CHL1: variants seen among roughly 807,000 people sequenced by gnomAD.
CHL1 encodes cell adhesion molecule L1 like.
Under a neutral mutation model 141.9 loss-of-function variants are expected in CHL1, and 96 were observed. The ratio of observed to expected loss-of-function variants is 0.68; its 90% CI spans 0.57 to 0.80. The LOEUF (loss-of-function observed/expected upper bound fraction) is 0.80, where lower values mean the gene tolerates loss of function less well. Ranked by LOEUF, CHL1 falls within the 30% of genes least tolerant of loss-of-function variation. CHL1 has a pLI of 0.00. For missense variants in CHL1, 1,820 were observed against 1,457.2 expected, an observed-to-expected ratio of 1.25 and a Z score of -4.05; for synonymous variants, 613 against 502.2, an observed-to-expected ratio of 1.22 and a Z score of -2.95.
At position 325,905 on chromosome 3, in the gene CHL1, A is replaced by C. The variant is rs572280403; in HGVS notation, c.92-54A>C. The stretch of plus-strand genomic sequence containing the variant: ...GTTTAAAGTGTTTTCGCTATAGATT[A>C]ACCTTGCCTGCTGTTTGAATAGTGT... On this transcript the variant is annotated intron_variant, in intron 3 of 27. Coordinates refer to ENST00000256509, the MANE Select transcript of CHL1 (RefSeq NM_006614.4). 5.4e-5 allele frequency: 66 copies of C among 1,225,014 alleles called. 1 individual carries two copies. The South Asian group carries it at 7.7e-4, about 14-fold the overall frequency. 75.9% of individuals were successfully genotyped at this position (1,225,014 alleles called of 1,614,324 possible).
intron 1 of CHL1, among the ~76,000 whole-genome samples, chr3:202,664 T>C (rs1196434589): frequency 6.6e-6 from 1 of 152,198 alleles, no homozygotes; most frequent in African/African-American, 2.4e-5. Context: ...TCCACAAGAT[T>C]GTGTTGGGCT....
At chr3:376,431 T>G (rs1416865808) in intron 15 of CHL1, 1 of 514,860 alleles carries the variant, frequency 1.9e-6, no homozygotes, top group East Asian at 5.6e-5. Flanking sequence ...GTTCTTTAGG[T>G]ATACCATACC....
At chr3:320,768 T>C (rs893181758) in intron 3 of CHL1, among the ~76,000 whole-genome samples, 4 of 152,102 alleles carry the variant, frequency 2.6e-5, no homozygotes, top group African/African-American at 9.7e-5. Context: ...CTGCCATGTA[T>C]AGATCTTGCA....
At chr3:256,528 AG>A (rs1694190052) in intron 2 of CHL1, among the ~76,000 whole-genome samples, 1 of 152,210 alleles carries the variant, frequency 6.6e-6, no homozygotes, top group Admixed American at 6.5e-5. Flanking sequence ...AAATATTTTT[AG>A]CTGTTAACGC....
At chr3:331,213 GTT>G (rs1701414436) in intron 5 of CHL1, among the ~76,000 whole-genome samples, 1 of 10,430 alleles carries the variant, frequency 9.6e-5, no homozygotes, top group Non-Finnish European at 4.0e-4. Flanking sequence ...TGGCTTTTTT[GTT>G]TGTTTGTTTG....
chr3:222,140 C>A (rs1325741668), intron 1 of CHL1, among the ~76,000 whole-genome samples: 2 of 152,138 alleles, frequency 1.3e-5, no homozygotes, highest in African/African-American at 4.8e-5. Context: ...TGGTAATAAC[C>A]AAGTTCCTCA....
At chr3:281,293 C>G (rs1288648718) in intron 2 of CHL1, among the ~76,000 whole-genome samples, 2 of 152,102 alleles carry the variant, frequency 1.3e-5, no homozygotes, top group Non-Finnish European at 2.9e-5. Flanking sequence ...ACAAATTTGC[C>G]CACAAACTTG....
At chr3:274,456 C>T (rs1695909121) in intron 2 of CHL1, among the ~76,000 whole-genome samples, 1 of 152,204 alleles carries the variant, frequency 6.6e-6, no homozygotes. Context: ...TGTCTTTAAA[C>T]AGCAGAATAC....
intron 10 of CHL1, among the ~76,000 whole-genome samples, chr3:353,125 T>G (rs1230471522): frequency 1.3e-5 from 2 of 152,200 alleles, no homozygotes; most frequent in African/African-American, 2.4e-5. Context: ...TCAGTAATAC[T>G]AATATTACTA....
At chr3:348,652 T>G (rs1219571904) in intron 9 of CHL1, among the ~76,000 whole-genome samples, 1 of 152,176 alleles carries the variant, frequency 6.6e-6, no homozygotes, top group African/African-American at 2.4e-5. Flanking sequence ...CTGGTTTTGT[T>G]TTGTCTTTAC....
At chr3:250,750 T>A (rs1015557373) in intron 2 of CHL1, among the ~76,000 whole-genome samples, 2 of 152,176 alleles carry the variant, frequency 1.3e-5, no homozygotes, top group Non-Finnish European at 2.9e-5. Flanking sequence ...TATATTCTCC[T>A]GTCATTATGC....
chr3:259,754 G>A (rs1694531222), intron 2 of CHL1, among the ~76,000 whole-genome samples: 5 of 152,056 alleles, frequency 3.3e-5, no homozygotes, highest in African/African-American at 1.2e-4. Context: ...TTTATTAAAT[G>A]AACAATTGAA....
chr3:237,545 G>C (rs1692115661), intron 1 of CHL1, among the ~76,000 whole-genome samples: 1 of 152,194 alleles, frequency 6.6e-6, no homozygotes, highest in Non-Finnish European at 1.5e-5. Flanking sequence ...TTTTAGATGA[G>C]TGATGCAATA....
In CHL1 at chr3:218,294, T is replaced by C. The variant is rs543812545; in HGVS notation, c.-175+21231T>C. Among the ~76,000 whole-genome samples the C allele has an allele frequency of 7.2e-5, 11 of 152,344 alleles. No homozygotes were observed. The East Asian group carries it at 2.1e-3, about 29-fold the overall frequency. On this transcript the variant is annotated intron_variant, in intron 1 of 27. Coordinates refer to ENST00000256509, the MANE Select transcript of CHL1 (RefSeq NM_006614.4). ...CTGACAGAACCTGCTTATTAATTCT[T>C]ACAGCAGTTATGTTTTAGAAGATGA... is the stretch of plus-strand genomic sequence containing the variant.
At chr3:254,867 G>A (rs1216229619) in intron 2 of CHL1, among the ~76,000 whole-genome samples, 1 of 152,080 alleles carries the variant, frequency 6.6e-6, no homozygotes, top group Non-Finnish European at 1.5e-5. Flanking sequence ...ACCTCTTAAA[G>A]GCCCACCAGT....
chr3:294,454 A>C (rs971503832), intron 2 of CHL1, among the ~76,000 whole-genome samples: 1 of 152,232 alleles, frequency 6.6e-6, no homozygotes, highest in African/African-American at 2.4e-5. Context: ...TTAATTGTAC[A>C]TGTTTAAACA....
At chr3:336,874 G>GCCTT (rs1701907363) in intron 5 of CHL1, among the ~76,000 whole-genome samples, 2 of 152,126 alleles carry the variant, frequency 1.3e-5, no homozygotes, top group Non-Finnish European at 2.9e-5. Flanking sequence ...TGATAGTTGT[G>GCCTT]GTAATAAGAC....
In CHL1 at chr3:214,466, A is replaced by G. The variant is rs143215422; in HGVS notation, c.-175+17403A>G. Among the ~76,000 whole-genome samples, 539 of 152,234 alleles carry G rather than the reference A, an allele frequency of 3.5e-3. 6 individuals carry two copies. The highest frequency in any genetic ancestry group is 0.012 in the African/African-American group (514 of 41,540). ...TTTTTCAAGTGAAAATATTTCCTAC[A>G]TTTTTTAAGAGACATCAGTGTTACG... On this transcript the variant is annotated intron_variant, in intron 1 of 27. Coordinates refer to ENST00000256509, the MANE Select transcript of CHL1 (RefSeq NM_006614.4).
chr3:341,309 T>C (rs1395122829), intron 6 of CHL1, among the ~76,000 whole-genome samples: 1 of 152,216 alleles, frequency 6.6e-6, no homozygotes. Context: ...ACTTCTAGCA[T>C]ATGCCTTAGC....
Sources: allele counts gnomAD v4.1 joint callset (sites outside exome capture counted in the v4.1 genomes callset), GRCh38; gene constraint gnomAD v4.1.1; transcripts MANE v1.5; gene names NCBI Gene and HGNC (gene_info 2026-07-23, HGNC 2026-07-21).